The following ARHGAP39 variants were observed in gnomAD, a reference collection of about 807,000 sequenced individuals.
ARHGAP39 encodes rho GTPase-activating protein 39.
In ARHGAP39, 44 loss-of-function variants were observed where a neutral mutation model predicts 106.9. The observed-to-expected ratio is 0.41, with a 90% confidence interval of 0.32 to 0.53. ARHGAP39 has a LOEUF of 0.53. ARHGAP39 is among the 20% of genes least tolerant of loss of function. The pLI, the probability that ARHGAP39 is intolerant of heterozygous loss-of-function variation, is 0.21. For synonymous variants in ARHGAP39, 768 were observed against 693.2 expected (o/e 1.11, Z -1.69); for missense variants, 1,496 against 1,577.3 (o/e 0.95, Z 0.87).
intron 1 of ARHGAP39, among the ~76,000 whole-genome samples, chr8:144,654,157 C>T (rs1017558871): frequency 6.6e-6 from 1 of 152,076 alleles, no homozygotes; most frequent in African/African-American, 2.4e-5. Context: ...ACCCTTTACC[C>T]AAAATAAAGG....
At chr8:144,557,563 T>C (rs1223948872) in intron 3 of ARHGAP39, among the ~76,000 whole-genome samples, 3 of 146,810 alleles carry the variant, frequency 2.0e-5, no homozygotes, top group Non-Finnish European at 4.5e-5. Flanking sequence ...TGAACCTTCA[T>C]AGTATTCAGC....
intron 1 of ARHGAP39, among the ~76,000 whole-genome samples, chr8:144,665,930 A>G (rs1284083084): frequency 1.3e-5 from 2 of 152,202 alleles, no homozygotes; most frequent in African/African-American, 4.8e-5. Flanking sequence ...ATCCACCAAC[A>G]GCTTGCACCG....
intron 1 of ARHGAP39, among the ~76,000 whole-genome samples, chr8:144,622,658 T>C (rs1287989348): frequency 1.3e-5 from 2 of 152,236 alleles, no homozygotes; most frequent in Non-Finnish European, 2.9e-5. Flanking sequence ...ACCAGACCTT[T>C]AATGAACAAA....
In ARHGAP39 at chr8:144,547,590, G is replaced by A. The variant is rs925297156; in HGVS notation, c.1496C>T (p.Pro499Leu). ...PGTRKRKSRKPSLCQATSATP... is the reference protein window; with the variant it reads ...PGTRKRKSRKLSLCQATSATP... The stretch of plus-strand genomic sequence containing the variant: ...GGCGCTGGTGGCTTGGCACAAAGAG[G>A]GCTTTCTGCTCTTCCGCTTGCGCGT... The change falls in exon 5 of 12, where the codon CCC becomes CTC. Residue 499 changes from proline (P) to leucine (L), a missense_variant. By Grantham distance (98) the Pro-to-Leu change is moderately conservative (BLOSUM62 -3). Transcript: ENST00000377307. The surrounding 1 kb of genome is among the most constrained non-coding windows in gnomAD (Gnocchi z 5.2). The A allele has an allele frequency of 1.4e-6, 2 of 1,476,640 alleles. No homozygotes were observed. The highest frequency in any genetic ancestry group is 1.8e-6 in the Non-Finnish European group (2 of 1,115,880). 91.5% of individuals were successfully genotyped at this position (1,476,640 alleles called of 1,614,324 possible).
intron 2 of ARHGAP39, among the ~76,000 whole-genome samples, chr8:144,603,481 G>A (rs1393669664): frequency 2.0e-5 from 3 of 152,074 alleles, no homozygotes; most frequent in African/African-American, 7.2e-5. Context: ...ACGAGGTCAG[G>A]AGTTCAAGAC....
chr8:144,572,623 A>C (rs1213359099), intron 3 of ARHGAP39, among the ~76,000 whole-genome samples: 1 of 152,238 alleles, frequency 6.6e-6, no homozygotes, highest in African/African-American at 2.4e-5. Context: ...CAAAATAGAT[A>C]AATGGGATCT....
intron 3 of ARHGAP39, among the ~76,000 whole-genome samples, chr8:144,580,571 G>A (rs1279003571): frequency 6.6e-6 from 1 of 151,278 alleles, no homozygotes; most frequent in South Asian, 2.1e-4. Flanking sequence ...CTGGGTCCCC[G>A]CCCACCGCCC....
At chr8:144,582,257 G>A (rs183592232) in intron 2 of ARHGAP39, among the ~76,000 whole-genome samples, 3 of 152,310 alleles carry the variant, frequency 2.0e-5, no homozygotes, top group African/African-American at 4.8e-5. Flanking sequence ...GGCGGCCGGC[G>A]CAGACTGGCT....
intron 2 of ARHGAP39, among the ~76,000 whole-genome samples, chr8:144,600,032 T>C (rs1819787483): frequency 6.6e-6 from 1 of 152,226 alleles, no homozygotes; most frequent in African/African-American, 2.4e-5. Flanking sequence ...AGGAGGCGTT[T>C]GTGCGCGTGG....
intron 6 of ARHGAP39, among the ~76,000 whole-genome samples, chr8:144,538,741 T>C (rs1164473200): frequency 6.6e-6 from 1 of 152,082 alleles, no homozygotes; most frequent in Non-Finnish European, 1.5e-5. Context: ...TGACTAATTT[T>C]TGTACTTTTG....
intron 1 of ARHGAP39, among the ~76,000 whole-genome samples, chr8:144,640,567 T>A (rs1173812347): frequency 1.3e-5 from 2 of 152,204 alleles, no homozygotes; most frequent in Admixed American, 1.3e-4. Context: ...TTTTCCTGTA[T>A]AAATTACCCA....
chr8:144,535,373 T>C (rs1816912896), intron 7 of ARHGAP39, among the ~76,000 whole-genome samples: 1 of 152,234 alleles, frequency 6.6e-6, no homozygotes, highest in South Asian at 2.1e-4. Flanking sequence ...TCATGGTCCT[T>C]GGGACCACAG....
chr8:144,591,571 C>T lies in ARHGAP39; in HGVS notation c.81-10294G>A, dbSNP rs1220869290. Among the ~76,000 whole-genome samples, 1 of 152,094 alleles carries T rather than the reference C, an allele frequency of 6.6e-6. No homozygotes were observed. Reference sequence around the variant, plus strand: ...AACCTCCTGGCTGGTCCACAGGGAGCAGGATGAAGGCTCCGGGAGGCCAGT... The same window carrying T: ...AACCTCCTGGCTGGTCCACAGGGAGTAGGATGAAGGCTCCGGGAGGCCAGT... On this transcript the variant is annotated intron_variant, in intron 2 of 11. Coordinates refer to ENST00000377307, the MANE Select transcript of ARHGAP39 (RefSeq NM_025251.3). The surrounding 1 kb of genome is among the most constrained non-coding windows in gnomAD (Gnocchi z 5.3).
At chr8:144,595,213 T>G (rs1234770803) in intron 2 of ARHGAP39, among the ~76,000 whole-genome samples, 1 of 152,150 alleles carries the variant, frequency 6.6e-6, no homozygotes, top group Non-Finnish European at 1.5e-5. Context: ...AACTGATGCA[T>G]GAAGAAGCAA....
chr8:144,583,522 G>A (rs114310459), intron 2 of ARHGAP39, among the ~76,000 whole-genome samples: 2,857 of 152,226 alleles, frequency 0.019, 84 homozygotes, highest in African/African-American at 0.065. Context: ...CCCCAGCTAC[G>A]AGGATCTCGT....
chr8:144,570,572 T>C (rs1383944131), intron 3 of ARHGAP39, among the ~76,000 whole-genome samples: 3 of 152,040 alleles, frequency 2.0e-5, no homozygotes, highest in Non-Finnish European at 4.4e-5. Context: ...AACTTACGAG[T>C]GACCAACTCA....
Position 144,547,097 on chromosome 8 carries a change from C to A in ARHGAP39, c.1959+30G>T. ...TCTGACTGGGCTGGCCCCAGGCTCT[C>A]AAGCTCAGCCGCGCCCATTGGGCCC... On this transcript the variant is annotated intron_variant, in intron 5 of 11. Coordinates refer to ENST00000377307, the MANE Select transcript of ARHGAP39 (RefSeq NM_025251.3). This position sits in a 1 kb window ranked among gnomAD's most constrained non-coding sequence, Gnocchi z 5.2. 2 of 1,532,420 alleles carry A rather than the reference C, an allele frequency of 1.3e-6. No individual in the cohort carries two copies. The highest frequency in any genetic ancestry group is 1.8e-6 in the Non-Finnish European group (2 of 1,140,662). 94.9% of individuals were successfully genotyped at this position (1,532,420 alleles called of 1,614,324 possible).
In ARHGAP39 at chr8:144,638,200, T is replaced by C. The variant is rs189823805; in HGVS notation, c.-81-32505A>G. Among the ~76,000 whole-genome samples, 418 of 152,346 alleles carry C rather than the reference T, an allele frequency of 2.7e-3. 3 individuals are homozygous for C. The highest frequency in any genetic ancestry group is 4.9e-3 in the Non-Finnish European group (336 of 68,034). On this transcript the variant is annotated intron_variant, in intron 1 of 11. Transcript: ENST00000377307. The stretch of plus-strand genomic sequence containing the variant: ...ACCACAGTCTTCTGGCTTTCTCTGC[T>C]GCTGAGAAGGCAGCCGGCCGTCTGT...
chr8:144,640,212 G>A (rs1821276177), intron 1 of ARHGAP39, among the ~76,000 whole-genome samples: 1 of 152,224 alleles, frequency 6.6e-6, no homozygotes, highest in Non-Finnish European at 1.5e-5. Flanking sequence ...GCGTGGCTCA[G>A]TTGCACACGG....
Sources: gnomAD v4.1 joint callset for allele counts (sites outside exome capture counted in the v4.1 genomes callset) on GRCh38, gnomAD v4.1.1 for gene constraint, Gnocchi (gnomAD v3.1) non-coding constraint, MANE v1.5 for transcripts, NCBI Gene and HGNC (gene_info 2026-07-23, HGNC 2026-07-21) for gene names.